IFT140: variants seen among roughly 807,000 people sequenced by gnomAD.
IFT140 encodes the protein intraflagellar transport protein 140 homolog.
Under a neutral mutation model 164.6 loss-of-function variants are expected in IFT140, and 133 were observed. The observed-to-expected ratio is 0.81, with a 90% CI of 0.70 to 0.93. The LOEUF (loss-of-function observed/expected upper bound fraction) is 0.93, where lower values mean the gene tolerates loss of function less well. Among genes scored for constraint, IFT140 ranks in the 40% least tolerant of loss-of-function variants. IFT140 has a pLI of 0.00. For synonymous variants in IFT140, 860 were observed against 817.3 expected (o/e 1.05, Z -0.89); for missense variants, 2,045 against 1,972.3 (o/e 1.04, Z -0.70).
In IFT140 at chr16:1,531,148, T is replaced by A. The variant is rs914385967; in HGVS notation, c.2400-4352A>T. ...CACTCCGGTGTGGGGTTCTGGGGTT[T>A]GTGCATCTGACATAAATTCCAAGAA... On this transcript the variant is annotated intron_variant, in intron 19 of 30. Transcript: ENST00000426508. This position sits in a 1 kb window ranked among gnomAD's most constrained non-coding sequence, Gnocchi z 4.7. 3 of 152,240 alleles carry A rather than the reference T, an allele frequency of 2.0e-5. No homozygotes were observed. The highest frequency in any genetic ancestry group is 7.2e-5 in the African/African-American group (3 of 41,446). The allele number at this position is 152,240 out of a possible 1,614,324, so 9.4% of individuals were successfully genotyped here.
intron 21 of IFT140, 81 bp from the exon 22 acceptor site, chr16:1,525,407 G>A: frequency 9.5e-7 from 1 of 1,052,698 alleles, no homozygotes; most frequent in Middle Eastern, 2.4e-4. Context: ...GGCAGCGTCG[G>A]TGAAACGCAT....
intron 5 of IFT140, 47 bp downstream of exon 5, chr16:1,592,420 C>T (rs1208790323): frequency 1.2e-6 from 2 of 1,611,500 alleles, no homozygotes; most frequent in Admixed American, 1.7e-5. Flanking sequence ...TCCCACCTCC[C>T]CCGATGTAAA....
intron 20 of IFT140, 77 bp from the exon 21 acceptor site, chr16:1,526,154 ACCGGTCACC>A: frequency 7.4e-7 from 1 of 1,358,578 alleles, no homozygotes. Flanking sequence ...ACGCCAGGCC[ACCGGTCACC>A]GCACCTTCCC....
chr16:1,512,616 G>C (rs1410522853), intron 30 of IFT140, among the ~76,000 whole-genome samples: 1 of 152,124 alleles, frequency 6.6e-6, no homozygotes, highest in East Asian at 1.9e-4. Context: ...CTCCAATTTT[G>C]CTTTTATACG....
intron 19 of IFT140, among the ~76,000 whole-genome samples, chr16:1,537,525 G>A (rs1446493435): frequency 1.3e-5 from 2 of 152,220 alleles, no homozygotes; most frequent in African/African-American, 4.8e-5. Flanking sequence ...AGGCCCTCCC[G>A]TGCCCCTGCC....
intron 12 of IFT140, among the ~76,000 whole-genome samples, chr16:1,582,326 T>G (rs779138086): frequency 5.9e-5 from 9 of 152,166 alleles, no homozygotes; most frequent in Non-Finnish European, 1.2e-4. Flanking sequence ...AGGGGCAATG[T>G]GACCAGAGAG....
At chr16:1,574,892 G>C (rs1434956212) in intron 13 of IFT140, among the ~76,000 whole-genome samples, 3 of 152,194 alleles carry the variant, frequency 2.0e-5, no homozygotes, top group African/African-American at 7.2e-5. Flanking sequence ...AGTGTCTGTA[G>C]TCACTGCGTC....
chr16:1,566,388 A>G (rs2141573021), intron 15 of IFT140, 97 bp from the exon 16 acceptor site: 1 of 1,198,536 alleles, frequency 8.3e-7, no homozygotes, highest in Non-Finnish European at 1.2e-6. Context: ...GTCAAGAGAA[A>G]CACACCCAGT....
intron 19 of IFT140, among the ~76,000 whole-genome samples, chr16:1,537,763 A>G (rs144390595): frequency 1.4e-3 from 216 of 152,368 alleles, no homozygotes; most frequent in Non-Finnish European, 2.4e-3. Flanking sequence ...GCTTGGGAAC[A>G]GATGACCGTG....
rs559008463 is a variant in IFT140, at chr16:1,612,052, C to T, written c.-306G>A. The T allele has an allele frequency of 2.6e-5, 4 of 152,288 alleles. No homozygotes were observed. Among genetic ancestry groups the T allele is most frequent in the African/African-American group, 7.2e-5 (3 of 41,456 alleles). The allele number at this position is 152,288 out of a possible 1,614,324, so 9.4% of individuals were successfully genotyped here. A position where few individuals can be genotyped will look rare whatever the true frequency, so the allele number is the denominator to read the frequency against. The stretch of plus-strand genomic sequence containing the variant: ...GAGCTACCACGCCGTTTTCTTCTCA[C>T]GTATCCGTCAACACTGCTGCGGCCA... On this transcript the variant is annotated 5_prime_UTR_variant, in exon 1 of 31. It adds an upstream start codon to the 5' untranslated region. Transcript: ENST00000426508.
At chr16:1,518,039 T>G in intron 30 of IFT140, 177 bp downstream of exon 30, 2 of 555,718 alleles carry the variant, frequency 3.6e-6, no homozygotes, top group African/African-American at 1.9e-5. Flanking sequence ...GGTTTCACCA[T>G]GTCGCCCAGG....
intron 19 of IFT140, chr16:1,554,924 G>C (rs745970358): frequency 6.2e-7 from 1 of 1,614,214 alleles, no homozygotes; most frequent in East Asian, 2.2e-5. Flanking sequence ...TTCTCCACAA[G>C]AGGGAGGACT....
At position 1,607,212 on chromosome 16, in the gene IFT140, A is replaced by C. The variant is rs1292161610; in HGVS notation, c.55T>G (p.Ser19Ala). ...IEAPDAAGSP[S>A]FISWHPVHPF... is the part of the protein sequence containing the mutation. ...TGGACAGGGTGCCAGCTGATAAATG[A>C]GGGTGACCCTGCTGCATCCGGGGCT... Residue 19 changes from serine (S) to alanine (A), a missense_variant, in exon 3 of 31, where the codon TCA (serine) becomes GCA (alanine). Physicochemically the swap from Ser to Ala is moderately conservative, Grantham distance 99. Coordinates refer to ENST00000426508, the MANE Select transcript of IFT140 (RefSeq NM_014714.4). 1.9e-6 allele frequency: 3 copies of C among 1,614,020 alleles called. No homozygotes were observed. The African/African-American group carries it at 4.0e-5, about 22-fold the overall frequency.
At position 1,525,053 on chromosome 16, in the gene IFT140, C is replaced by T. The variant is rs896253428; in HGVS notation, c.2865-137G>A. Reference sequence around the variant, plus strand: ...CAGGCTGGGCCAAGAGTGAGGACCCCTGGCTTTGTCCAAAGGGAGGGCCTG... The same window carrying T: ...CAGGCTGGGCCAAGAGTGAGGACCCTTGGCTTTGTCCAAAGGGAGGGCCTG... On this transcript the variant is annotated intron_variant, in intron 22 of 30. Transcript: ENST00000426508. 4 of 1,347,936 alleles carry T rather than the reference C, an allele frequency of 3.0e-6. No homozygotes were observed. The African/African-American group carries it at 5.8e-5, about 20-fold the overall frequency. The allele number at this position is 1,347,936 out of a possible 1,614,324, so 83.5% of individuals were successfully genotyped here. A position where few individuals can be genotyped will look rare whatever the true frequency, so the allele number is the denominator to read the frequency against.
intron 19 of IFT140, among the ~76,000 whole-genome samples, chr16:1,528,385 G>T (rs2030003783): frequency 1.3e-5 from 2 of 148,402 alleles, no homozygotes; most frequent in Non-Finnish European, 3.0e-5. Flanking sequence ...GCACGCACGT[G>T]TGCACACACA....
intron 30 of IFT140, among the ~76,000 whole-genome samples, chr16:1,511,382 G>A (rs1051704025): frequency 1.3e-5 from 2 of 152,184 alleles, no homozygotes; most frequent in African/African-American, 2.4e-5. Flanking sequence ...AGGAAGCTTC[G>A]GTCAGCATTT....
chr16:1,587,866 G>T, intron 8 of IFT140, 67 bp downstream of exon 8: 2 of 1,252,616 alleles, frequency 1.6e-6, no homozygotes, highest in Non-Finnish European at 2.3e-6. Flanking sequence ...CCAACACAAA[G>T]CTGACTTAGA....
Position 1,587,309 on chromosome 16 carries a change from A to C in IFT140, c.903-5T>G, listed in dbSNP as rs900599017. On this transcript the variant is annotated splice_polypyrimidine_tract_variant and splice_region_variant and intron_variant, in intron 8 of 30. Transcript: ENST00000426508. ...CCTCGTTCTATGTCCCAGAATCTACAACAGAAGAAAGCAAGCCCCATGGAG... is the reference window on the plus strand; with the variant it reads ...CCTCGTTCTATGTCCCAGAATCTACCACAGAAGAAAGCAAGCCCCATGGAG... 8.9e-5 allele frequency: 142 copies of C among 1,593,404 alleles called. No homozygotes were observed. The highest frequency in any genetic ancestry group is 1.1e-4 in the Non-Finnish European group (131 of 1,161,522).
In IFT140 at chr16:1,534,592, C is replaced by T. The variant is rs1274869213; in HGVS notation, c.2400-7796G>A. 1.9e-6 allele frequency: 3 copies of T among 1,595,910 alleles called. No homozygotes were observed. The African/African-American group carries it at 4.0e-5, about 21-fold the overall frequency. ...TGTTTTCCTGATGCCTTCAGCGTGGCCGAGGCTCGAGGGCACATGGGAGAT... is the reference window on the plus strand; with the variant it reads ...TGTTTTCCTGATGCCTTCAGCGTGGTCGAGGCTCGAGGGCACATGGGAGAT... On this transcript the variant is annotated intron_variant, in intron 19 of 30. Coordinates refer to ENST00000426508, the MANE Select transcript of IFT140 (RefSeq NM_014714.4).
Sources: gnomAD v4.1 joint callset for allele counts (sites outside exome capture counted in the v4.1 genomes callset) on GRCh38, gnomAD v4.1.1 for gene constraint, Gnocchi (gnomAD v3.1) non-coding constraint, MANE v1.5 for transcripts, NCBI Gene and HGNC (gene_info 2026-07-23, HGNC 2026-07-21) for gene names.